Variants in EGFLAM observed in about 807,000 individuals in gnomAD.
The protein encoded by EGFLAM is pikachurin.
Under a neutral mutation model 113.1 loss-of-function variants are expected in EGFLAM, and 79 were observed. The ratio of observed to expected loss-of-function variants is 0.70; its 90% confidence interval spans 0.58 to 0.84. The LOEUF (loss-of-function observed/expected upper bound fraction) is 0.84. EGFLAM is among the 40% of genes least tolerant of loss of function. The pLI is 0.00. For synonymous variants in EGFLAM, 504 were observed against 487.6 expected (o/e 1.03, Z -0.44); for missense variants, 1,265 against 1,291.6 (o/e 0.98, Z 0.32).
At chr5:38,414,817 C>T (rs1741589586) in intron 11 of EGFLAM, among the ~76,000 whole-genome samples, 2 of 152,060 alleles carry the variant, frequency 1.3e-5, no homozygotes. Context: ...TCCATGGACC[C>T]CCCCTCAAGG....
At chr5:38,264,461 ACATCT>A (rs1163136035) in intron 1 of EGFLAM, among the ~76,000 whole-genome samples, 1 of 152,168 alleles carries the variant, frequency 6.6e-6, no homozygotes, top group Non-Finnish European at 1.5e-5. Context: ...TGTGGGCAAT[ACATCT>A]TGTTGGTTGC....
chr5:38,446,114 C>G (rs1232800130), intron 17 of EGFLAM, among the ~76,000 whole-genome samples: 2 of 152,170 alleles, frequency 1.3e-5, no homozygotes, highest in Non-Finnish European at 2.9e-5. Context: ...AAGGCCTCCC[C>G]CACCGCTCAG....
At chr5:38,334,951 C>T (rs991748437) in intron 1 of EGFLAM, among the ~76,000 whole-genome samples, 2 of 152,148 alleles carry the variant, frequency 1.3e-5, no homozygotes, top group Non-Finnish European at 2.9e-5. Flanking sequence ...TACTAGTTTT[C>T]ACGACGGGTT....
chr5:38,309,798 C>T (rs1293422595), intron 1 of EGFLAM, among the ~76,000 whole-genome samples: 1 of 152,200 alleles, frequency 6.6e-6, no homozygotes, highest in Non-Finnish European at 1.5e-5. Flanking sequence ...GTACAACATC[C>T]AAAGGGGACA....
chr5:38,374,190 A>C, intron 6 of EGFLAM, among the ~76,000 whole-genome samples: 1 of 152,138 alleles, frequency 6.6e-6, no homozygotes, highest in East Asian at 1.9e-4. Flanking sequence ...ATGTCTGTTC[A>C]TGCTGTAACC....
In EGFLAM at chr5:38,350,496, G is replaced by A; in HGVS notation, c.292-5G>A. 6.2e-7 allele frequency: 1 copy of A among 1,613,208 alleles called. No homozygotes were observed. Among genetic ancestry groups the A allele is most frequent in the African/African-American group, 1.3e-5 (1 of 75,014 alleles). ...TTAGCATCTTTCTTGTTTGGTCATT[G>A]ACAGGAGGAAGTGATTGGAGATTTG... On this transcript the variant is annotated splice_polypyrimidine_tract_variant and splice_region_variant and intron_variant, in intron 3 of 21. Coordinates refer to ENST00000322350, the MANE Select transcript of EGFLAM (RefSeq NM_152403.4).
chr5:38,445,495 T>A (rs1373111726), intron 17 of EGFLAM: 1 of 1,479,196 alleles, frequency 6.8e-7, no homozygotes, highest in East Asian at 2.4e-5. Context: ...TGAGGAGAGA[T>A]TTCCAGTGGT....
intron 1 of EGFLAM, among the ~76,000 whole-genome samples, chr5:38,287,938 G>A (rs770681878): frequency 1.3e-5 from 2 of 152,176 alleles, no homozygotes; most frequent in Non-Finnish European, 2.9e-5. Context: ...AACACAGTGA[G>A]TGAGAAATAT....
intron 1 of EGFLAM, among the ~76,000 whole-genome samples, chr5:38,264,330 A>G (rs1363583523): frequency 6.6e-6 from 1 of 152,172 alleles, no homozygotes; most frequent in Non-Finnish European, 1.5e-5. Flanking sequence ...AGCACGATGC[A>G]GCTCTCTCAT....
At chr5:38,403,782 G>T in intron 6 of EGFLAM, 1 of 1,606,630 alleles carries the variant, frequency 6.2e-7, no homozygotes, top group Non-Finnish European at 8.5e-7. Context: ...ACTGCTTGCT[G>T]TACAAAGATA....
chr5:38,304,566 A>G (rs1363273394), intron 1 of EGFLAM, among the ~76,000 whole-genome samples: 1 of 152,244 alleles, frequency 6.6e-6, no homozygotes, highest in Non-Finnish European at 1.5e-5. Flanking sequence ...GACCAGCCTA[A>G]GAAGAAAAAC....
intron 6 of EGFLAM, among the ~76,000 whole-genome samples, chr5:38,389,044 A>G (rs905774302): frequency 1.3e-5 from 2 of 152,172 alleles, no homozygotes; most frequent in African/African-American, 4.8e-5. Flanking sequence ...TATGATGAAT[A>G]GTGACTTTCA....
chr5:38,324,493 A>G (rs1579773045), intron 1 of EGFLAM, among the ~76,000 whole-genome samples: 1 of 152,148 alleles, frequency 6.6e-6, no homozygotes, highest in African/African-American at 2.4e-5. Flanking sequence ...GGACACTTCA[A>G]ACAAATACAC....
intron 5 of EGFLAM, among the ~76,000 whole-genome samples, chr5:38,363,298 C>T (rs577062264): frequency 6.6e-6 from 1 of 152,156 alleles, no homozygotes; most frequent in Non-Finnish European, 1.5e-5. Context: ...CACATCTCTT[C>T]TCTTAGAGCA....
intron 1 of EGFLAM, among the ~76,000 whole-genome samples, chr5:38,316,441 TTC>T (rs1175300386): frequency 4.6e-5 from 7 of 152,278 alleles, no homozygotes; most frequent in Middle Eastern, 3.4e-3. Flanking sequence ...GCTACTTAAC[TTC>T]TCTGTTTCTC....
chr5:38,263,187 C>A (rs1561253636), intron 1 of EGFLAM, among the ~76,000 whole-genome samples: 1 of 152,212 alleles, frequency 6.6e-6, no homozygotes, highest in Admixed American at 6.5e-5. Context: ...GTTTGCCGGG[C>A]ATGGTGGCCC....
At chr5:38,267,856 AG>A (rs748842987) in intron 1 of EGFLAM, among the ~76,000 whole-genome samples, 14 of 152,214 alleles carry the variant, frequency 9.2e-5, no homozygotes, top group Non-Finnish European at 2.1e-4. Flanking sequence ...TATTCACGCT[AG>A]AGGGTTCATT....
chr5:38,309,305 T>A (rs779278415), intron 1 of EGFLAM, among the ~76,000 whole-genome samples: 6 of 152,236 alleles, frequency 3.9e-5, no homozygotes, highest in Non-Finnish European at 8.8e-5. Context: ...CCACAGAAAT[T>A]GGTATGCTCT....
chr5:38,358,345 G>A (rs529932156), intron 5 of EGFLAM, among the ~76,000 whole-genome samples: 57 of 149,856 alleles, frequency 3.8e-4, no homozygotes, highest in Non-Finnish European at 7.1e-4. Flanking sequence ...TACTCGGGAG[G>A]CTGAGGCAGA....
Sources: allele counts gnomAD v4.1 joint callset (sites outside exome capture counted in the v4.1 genomes callset), GRCh38; gene constraint gnomAD v4.1.1; transcripts MANE v1.5; gene names NCBI Gene and HGNC (gene_info 2026-07-23, HGNC 2026-07-21).